GPR107: variants seen among roughly 807,000 people sequenced by gnomAD.
GPR107 encodes G protein-coupled receptor 107.
In GPR107, 31 loss-of-function variants were observed where a neutral mutation model predicts 75.5. The ratio of observed to expected loss-of-function variants is 0.41; its 90% CI spans 0.31 to 0.55. GPR107 has a LOEUF of 0.55. GPR107 is among the 20% of genes least tolerant of loss of function. GPR107 has a pLI of 0.26. For synonymous variants in GPR107, 267 were observed against 251.3 expected (o/e 1.06, Z -0.59); for missense variants, 572 against 665.7 (o/e 0.86, Z 1.55).
chr9:130,125,619 T>TTTG (rs1491244015), intron 15 of GPR107, among the ~76,000 whole-genome samples: 1 of 70,182 alleles, frequency 1.4e-5, no homozygotes, highest in Non-Finnish European at 2.8e-5. Context: ...TTTTTTTTTT[T>TTTG]GAGACGGAGT....
chr9:130,065,981 C>G (rs1564659176), intron 1 of GPR107, among the ~76,000 whole-genome samples: 4 of 151,746 alleles, frequency 2.6e-5, no homozygotes, highest in South Asian at 2.1e-4. Flanking sequence ...TCACTCCCCC[C>G]CAAAAGTATC....
rs10710860 is a variant in GPR107, at chr9:130,092,619, A to AT, written c.863+252dup. The stretch of plus-strand genomic sequence containing the variant: ...TAAAAAGCAAATCTAAATTATTATA[A>AT]TTTTTTTTTTTTTTGAGACATAGTC... On this transcript the variant is annotated intron_variant, in intron 9 of 17. Coordinates refer to ENST00000347136, the MANE Select transcript of GPR107 (RefSeq NM_020960.5). 5.1e-3 allele frequency among the ~76,000 whole-genome samples: 750 copies of AT among 145,668 alleles called. 6 individuals carry two copies. Among genetic ancestry groups the AT allele is most frequent in the Non-Finnish European group, 8.1e-3 (540 of 66,272 alleles).
chr9:130,102,081 A>G (rs1831045516), intron 12 of GPR107, among the ~76,000 whole-genome samples: 1 of 152,172 alleles, frequency 6.6e-6, no homozygotes, highest in Admixed American at 6.5e-5. Context: ...CTGTGTTTCC[A>G]AGGAGAGAAT....
chr9:130,087,716 T>C (rs1434966333), intron 7 of GPR107, among the ~76,000 whole-genome samples: 2 of 147,836 alleles, frequency 1.4e-5, no homozygotes, highest in Non-Finnish European at 3.0e-5. Context: ...GGCAGGAGGA[T>C]TACTTGAGCC....
intron 1 of GPR107, among the ~76,000 whole-genome samples, chr9:130,057,977 C>T (rs570255383): frequency 1.1e-4 from 17 of 151,992 alleles, no homozygotes; most frequent in Non-Finnish European, 1.3e-4. Flanking sequence ...TATAGGCATG[C>T]GCCACCACGC....
intron 15 of GPR107, among the ~76,000 whole-genome samples, chr9:130,126,462 C>T: frequency 6.6e-6 from 1 of 151,266 alleles, no homozygotes; most frequent in Non-Finnish European, 1.5e-5. Context: ...TCTCTTGCCT[C>T]AGCCTCCCGA....
chr9:130,106,060 A>G (rs1831148465), intron 13 of GPR107, among the ~76,000 whole-genome samples: 1 of 152,114 alleles, frequency 6.6e-6, no homozygotes, highest in Admixed American at 6.6e-5. Context: ...TTGTTTCCAG[A>G]TCGAAAAGAG....
chr9:130,098,114 C>T (rs552083833), intron 9 of GPR107, among the ~76,000 whole-genome samples: 13 of 152,248 alleles, frequency 8.5e-5, no homozygotes, highest in East Asian at 5.8e-4. Flanking sequence ...AACTCTTGGG[C>T]TTAAGTAATC....
intron 17 of GPR107, among the ~76,000 whole-genome samples, chr9:130,133,924 T>TA (rs1831891138): frequency 6.6e-6 from 1 of 152,152 alleles, no homozygotes; most frequent in African/African-American, 2.4e-5. Context: ...AACATTTACT[T>TA]ACCATGAGGT....
intron 1 of GPR107, among the ~76,000 whole-genome samples, chr9:130,062,440 TAATAATA>T (rs1322184547): frequency 6.7e-6 from 1 of 148,556 alleles, no homozygotes; most frequent in African/African-American, 2.5e-5. Flanking sequence ...ATAATAATAA[TAATAATA>T]ATAATAATAA....
At chr9:130,062,624 TCCTG>T in intron 1 of GPR107, among the ~76,000 whole-genome samples, 1 of 44,062 alleles carries the variant, frequency 2.3e-5, no homozygotes, top group South Asian at 1.0e-3. Context: ...CTGCCTGCCT[TCCTG>T]CCTTCCTGCC....
At chr9:130,107,573 G>T (rs760784187) in intron 14 of GPR107, 34 bp downstream of exon 14, 1 of 1,453,300 alleles carries the variant, frequency 6.9e-7, no homozygotes, top group African/African-American at 1.4e-5. Flanking sequence ...GTGTTGCTCA[G>T]CTTGCTCTGA....
In GPR107 at chr9:130,137,013, T is replaced by A. The variant is rs1831975219; in HGVS notation, c.*1892T>A. Reference sequence around the variant, plus strand: ...ATATTTTTAACACTTTGTTTTCCTGTGCAGAAACATAATACCAGTTTTCGC... The same window carrying A: ...ATATTTTTAACACTTTGTTTTCCTGAGCAGAAACATAATACCAGTTTTCGC... On this transcript the variant is annotated 3_prime_UTR_variant, in exon 18 of 18. Coordinates refer to ENST00000347136, the MANE Select transcript of GPR107 (RefSeq NM_020960.5). 1 of 152,248 alleles carries A rather than the reference T, an allele frequency of 6.6e-6. No homozygotes were observed. The highest frequency in any genetic ancestry group is 1.5e-5 in the Non-Finnish European group (1 of 68,044). 9.4% of individuals were successfully genotyped at this position (152,248 alleles called of 1,614,324 possible). A position where few individuals can be genotyped will look rare whatever the true frequency, so the allele number is the denominator to read the frequency against.
At chr9:130,093,297 C>T (rs1472501913) in intron 9 of GPR107, among the ~76,000 whole-genome samples, 1 of 151,964 alleles carries the variant, frequency 6.6e-6, no homozygotes, top group African/African-American at 2.4e-5. Context: ...TTTCTCCCTC[C>T]AAGAAAATTG....
At chr9:130,083,921 T>A (rs1830551859) in intron 6 of GPR107, among the ~76,000 whole-genome samples, 1 of 152,028 alleles carries the variant, frequency 6.6e-6, no homozygotes, top group Non-Finnish European at 1.5e-5. Flanking sequence ...TAAATAGTTG[T>A]TACACTGTGT....
intron 7 of GPR107, among the ~76,000 whole-genome samples, chr9:130,087,756 C>T (rs1485485253): frequency 7.3e-6 from 1 of 137,848 alleles, no homozygotes; most frequent in Non-Finnish European, 1.5e-5. Context: ...CAGTGAACCT[C>T]GATCATGCCA....
intron 15 of GPR107, 84 bp from the exon 16 acceptor site, chr9:130,127,399 A>G: frequency 1.3e-6 from 1 of 756,026 alleles, no homozygotes; most frequent in Non-Finnish European, 2.4e-6. Context: ...TCTGTTTCCT[A>G]GTTCATTTGT....
At position 130,124,963 on chromosome 9, in the gene GPR107, TG is replaced by T; in HGVS notation, c.1356+1del. The stretch of plus-strand genomic sequence containing the variant: ...AAACTTTTCAGACATTATTACGTCT[TG>T]GTAAGTAAAAAAAAAAAAAATCCTC... ...KLKLFRHYYV[L>X]IVCYIYFTRI... On this transcript the variant is annotated frameshift_variant and splice_region_variant, in exon 15 of 18. Coordinates refer to ENST00000347136, the MANE Select transcript of GPR107 (RefSeq NM_020960.5). LOFTEE classifies it high-confidence loss of function. 7.4e-7 allele frequency: 1 copy of T among 1,348,170 alleles called. No homozygotes were observed. The highest frequency in any genetic ancestry group is 2.7e-5 in the Admixed American group (1 of 36,444). 83.5% of individuals were successfully genotyped at this position (1,348,170 alleles called of 1,614,324 possible).
chr9:130,084,396 A>G (rs948691288), intron 6 of GPR107, among the ~76,000 whole-genome samples: 1 of 122,456 alleles, frequency 8.2e-6, no homozygotes, highest in Admixed American at 8.3e-5. Context: ...AGACTATCTC[A>G]AAAAAAGTTA....
Sources: gnomAD v4.1 joint callset for allele counts (sites outside exome capture counted in the v4.1 genomes callset) on GRCh38, gnomAD v4.1.1 for gene constraint, MANE v1.5 for transcripts, NCBI Gene and HGNC (gene_info 2026-07-23, HGNC 2026-07-21) for gene names.